Variants in PTPRO observed in about 807,000 individuals in gnomAD.
PTPRO encodes the protein receptor-type tyrosine-protein phosphatase O.
A neutral mutation model predicts 145.2 loss-of-function variants in PTPRO; 62 were observed. The ratio of observed to expected loss-of-function variants is 0.43; its 90% CI spans 0.35 to 0.53. The LOEUF is 0.53. PTPRO is among the 20% of genes least tolerant of loss of function. The pLI is 0.01. For synonymous variants in PTPRO, 565 were observed against 514.7 expected, an observed-to-expected ratio of 1.10 and a Z score of -1.32; for missense variants, 1,345 against 1,482.7, an observed-to-expected ratio of 0.91 and a Z score of 1.53.
rs3216543 is a variant in PTPRO at position 15,521,227 on chromosome 12, G to GA, written c.1891+926dup. On this transcript the variant is annotated intron_variant, in intron 10 of 26. Transcript: ENST00000281171. ...TAGTTTACTCTGTTGAAATGTATGA[G>GA]AAAAAAAAAAAGTGGAAAGAAATCA... 9.0e-3 allele frequency among the ~76,000 whole-genome samples: 1,263 copies of GA among 141,060 alleles called. 16 individuals are homozygous for GA. Among genetic ancestry groups the GA allele is most frequent in the African/African-American group, 0.026 (993 of 38,664 alleles). The allele number at this position is 141,060 out of a possible 152,430, so 92.5% of individuals were successfully genotyped here.
At chr12:15,390,345 C>T (rs1292300059) in intron 1 of PTPRO, among the ~76,000 whole-genome samples, 3 of 152,130 alleles carry the variant, frequency 2.0e-5, no homozygotes, top group Non-Finnish European at 4.4e-5. Context: ...AATAAACTCA[C>T]AATTCTGTGT....
At chr12:15,482,962 C>T (rs1393891608) in intron 1 of PTPRO, among the ~76,000 whole-genome samples, 6 of 152,218 alleles carry the variant, frequency 3.9e-5, no homozygotes, top group South Asian at 4.1e-4. Flanking sequence ...AGTAACGATA[C>T]GTATCTCATG....
At chr12:15,480,390 T>C (rs898834801) in intron 1 of PTPRO, among the ~76,000 whole-genome samples, 1 of 152,202 alleles carries the variant, frequency 6.6e-6, no homozygotes, top group African/African-American at 2.4e-5. Context: ...ATTAAACTAA[T>C]ATTTTTGTCT....
intron 1 of PTPRO, among the ~76,000 whole-genome samples, chr12:15,419,398 AT>A (rs1940070706): frequency 6.6e-6 from 1 of 151,606 alleles, no homozygotes; most frequent in South Asian, 2.1e-4. Flanking sequence ...AAGCCAGAAG[AT>A]GAAGCAATTC....
At chr12:15,396,710 G>A (rs1004368232) in intron 1 of PTPRO, among the ~76,000 whole-genome samples, 11 of 151,952 alleles carry the variant, frequency 7.2e-5, no homozygotes, top group Admixed American at 3.9e-4. Context: ...AACACTGTAT[G>A]GACTTTTATG....
chr12:15,351,418 G>A (rs746765279), intron 1 of PTPRO, among the ~76,000 whole-genome samples: 1 of 152,138 alleles, frequency 6.6e-6, no homozygotes, highest in Non-Finnish European at 1.5e-5. Context: ...GTCAGGCTAG[G>A]CAATCAGTGT....
Position 15,516,953 on chromosome 12 carries a change from C to T in PTPRO, c.1776C>T (p.Ser592=), listed in dbSNP as rs369419924. ...EIAATVSLTA[S]VRIANLLPAW... is the part of the protein sequence containing the mutation. Reference sequence around the variant, plus strand: ...CAGCAACTGTTTCCTTAACTGCATCCGTGGTAATCTTCCCTTAACCAACTG... The same window carrying T: ...CAGCAACTGTTTCCTTAACTGCATCTGTGGTAATCTTCCCTTAACCAACTG... Residue 592 remains serine (S), a synonymous_variant, in exon 9 of 27, where the codon TCC becomes TCT. Coordinates refer to ENST00000281171, the MANE Select transcript of PTPRO (RefSeq NM_030667.3). 3.9e-4 allele frequency: 625 copies of T among 1,612,034 alleles called. 10 individuals are homozygous for T. The South Asian group carries it at 6.3e-3, about 16-fold the overall frequency.
In PTPRO at chr12:15,478,341, A is replaced by G. The variant is rs376301965; in HGVS notation, c.76-5633A>G. ...ACTGACAATTGCTTCAATTACTAAT[A>G]GAAGTCTATTAACTTCAAATCCTAG... On this transcript the variant is annotated intron_variant, in intron 1 of 26. Transcript: ENST00000281171. Among the ~76,000 whole-genome samples the G allele has an allele frequency of 3.9e-4, 60 of 152,356 alleles. 1 individual carries two copies. The South Asian group carries it at 0.011, about 28-fold the overall frequency.
rs752015711 is a variant in PTPRO, at chr12:15,594,988, A to C, written c.3598A>C (p.Lys1200Gln). The C allele has an allele frequency of 5.0e-6, 8 of 1,613,952 alleles. No homozygotes were observed. The highest frequency in any genetic ancestry group is 3.3e-5 in the South Asian group (3 of 91,082). Reference sequence around the variant, plus strand: ...TGTGCAACTGATGTGGATGAAGAAGAAGCAGCAGTTCTGCATCAGTGATGT... The same window carrying C: ...TGTGCAACTGATGTGGATGAAGAAGCAGCAGCAGTTCTGCATCAGTGATGT... ...QCVQLMWMKK[K>Q]QQFCISDVIY... The change falls in exon 26 of 27, where the codon AAG becomes CAG. Residue 1200 changes from lysine (K) to glutamine (Q), a missense_variant. Physicochemically the swap from Lys to Gln is moderately conservative, Grantham distance 53. Around this residue, in one of 3 missense-constraint regions of PTPRO, gnomAD observed 208 missense variants for 242.8 expected, o/e 0.86. Transcript: ENST00000281171.
chr12:15,375,206 G>A (rs1487311613), intron 1 of PTPRO, among the ~76,000 whole-genome samples: 1 of 152,110 alleles, frequency 6.6e-6, no homozygotes, highest in East Asian at 1.9e-4. Context: ...AAACCCTGGG[G>A]AAAACATCTG....
intron 1 of PTPRO, among the ~76,000 whole-genome samples, chr12:15,373,574 C>T (rs372158761): frequency 5.9e-5 from 9 of 152,008 alleles, no homozygotes; most frequent in East Asian, 5.8e-4. Flanking sequence ...TTTTTATGGA[C>T]GGAAGTGTTT....
chr12:15,580,480 AG>A (rs1944286640), intron 21 of PTPRO, among the ~76,000 whole-genome samples: 1 of 152,264 alleles, frequency 6.6e-6, no homozygotes, highest in East Asian at 1.9e-4. Context: ...TGATTTTTAC[AG>A]CCTTCTGGAT....
intron 1 of PTPRO, among the ~76,000 whole-genome samples, chr12:15,478,371 T>C (rs1188455462): frequency 1.3e-5 from 2 of 152,222 alleles, no homozygotes; most frequent in African/African-American, 4.8e-5. Flanking sequence ...TCCTAGCTTA[T>C]GAAATGCTGT....
chr12:15,374,475 C>A (rs1235342470), intron 1 of PTPRO, among the ~76,000 whole-genome samples: 1 of 151,952 alleles, frequency 6.6e-6, no homozygotes, highest in Non-Finnish European at 1.5e-5. Flanking sequence ...GACCTTAAAC[C>A]CTTGCCCCTC....
chr12:15,329,468 A>G (rs562112811), intron 1 of PTPRO, among the ~76,000 whole-genome samples: 11 of 152,336 alleles, frequency 7.2e-5, no homozygotes, highest in Admixed American at 3.3e-4. Context: ...ATTAATTATA[A>G]TTAACCACTC....
intron 22 of PTPRO, 141 bp from the exon 23 acceptor site, chr12:15,581,538 A>C: frequency 1.1e-6 from 1 of 886,808 alleles, no homozygotes; most frequent in East Asian, 2.9e-5. Flanking sequence ...TACGTAGCAG[A>C]AATGGTTTGC....
intron 1 of PTPRO, among the ~76,000 whole-genome samples, chr12:15,367,492 A>G (rs1262966712): frequency 6.6e-6 from 1 of 152,240 alleles, no homozygotes; most frequent in Non-Finnish European, 1.5e-5. Flanking sequence ...GTGGGACCAC[A>G]GTGAGGGTAA....
chr12:15,486,481 T>C (rs983219400), intron 2 of PTPRO, among the ~76,000 whole-genome samples: 15 of 152,164 alleles, frequency 9.9e-5, no homozygotes, highest in African/African-American at 3.1e-4. Context: ...GCTTTTTTTT[T>C]CCAATCTAAA....
At chr12:15,435,018 G>A (rs997663055) in intron 1 of PTPRO, among the ~76,000 whole-genome samples, 5 of 152,160 alleles carry the variant, frequency 3.3e-5, no homozygotes, top group African/African-American at 1.2e-4. Context: ...CTCCTCTCAA[G>A]GTGGTTTATT....
Sources: allele counts gnomAD v4.1 joint callset (sites outside exome capture counted in the v4.1 genomes callset), GRCh38; gene constraint gnomAD v4.1.1; regional missense constraint gnomAD v4.1.1; transcripts MANE v1.5; gene names NCBI Gene and HGNC (gene_info 2026-07-23, HGNC 2026-07-21).